Variants in AMD1 observed in about 807,000 individuals in gnomAD.
The protein encoded by AMD1 is S-adenosylmethionine decarboxylase proenzyme.
Under a neutral mutation model 40.2 loss-of-function variants are expected in AMD1, and 11 were observed. The ratio of observed to expected loss-of-function variants is 0.27; its 90% CI spans 0.17 to 0.45. The LOEUF is 0.45. AMD1 is among the 20% of genes least tolerant of loss of function. AMD1 has a pLI of 1.00. For missense variants in AMD1, 257 were observed against 410.2 expected, an observed-to-expected ratio of 0.63 and a Z score of 3.23; for synonymous variants, 121 against 130.8, an observed-to-expected ratio of 0.93 and a Z score of 0.51.
At chr6:110,876,782 T>G (rs1320989057) in intron 1 of AMD1, among the ~76,000 whole-genome samples, 1 of 147,732 alleles carries the variant, frequency 6.8e-6, no homozygotes, top group Non-Finnish European at 1.5e-5. Context: ...GTAAAACGAT[T>G]GTGATCAGGA....
intron 4 of AMD1, 196 bp from the exon 5 acceptor site, chr6:110,891,965 T>G: frequency 1.5e-6 from 1 of 645,312 alleles, no homozygotes; most frequent in Non-Finnish European, 2.7e-6. Context: ...CTCGAACTCT[T>G]GACCTCAAGC....
the AMD1 span, among the ~76,000 whole-genome samples, chr6:110,816,184 G>C: frequency 6.6e-6 from 1 of 152,220 alleles, no homozygotes; most frequent in Non-Finnish European, 1.5e-5. Flanking sequence ...GCTGTAGTCA[G>C]CTTTCTCTTA....
chr6:110,878,590 T>C (rs1003809955), intron 1 of AMD1, among the ~76,000 whole-genome samples: 26 of 152,350 alleles, frequency 1.7e-4, no homozygotes, highest in African/African-American at 6.3e-4. Context: ...TGCAGTTTTC[T>C]CTGATTTTTC....
the AMD1 span, among the ~76,000 whole-genome samples, chr6:110,828,119 A>G: frequency 2.0e-5 from 3 of 152,134 alleles, no homozygotes; most frequent in African/African-American, 4.8e-5. Context: ...TTTGAAGTGA[A>G]CTATGGGATG....
Position 110,889,728 on chromosome 6 carries a change from G to A in AMD1, c.325-526G>A, listed in dbSNP as rs200625930. On this transcript the variant is annotated intron_variant, in intron 3 of 8. Coordinates refer to ENST00000368885, the MANE Select transcript of AMD1 (RefSeq NM_001634.6). ...CTCCTAAAGTGCTGGGATTGCAGGC[G>A]TGAGCCACTGCACCCGGCCTGAATT... The A allele has an allele frequency of 3.3e-4, 51 of 152,772 alleles. No homozygotes were observed. In the East Asian group the frequency reaches 9.4e-3, roughly 28 times the overall value. The allele number at this position is 152,772 out of a possible 1,614,324, so 9.5% of individuals were successfully genotyped here. A position where few individuals can be genotyped will look rare whatever the true frequency, so the allele number is the denominator to read the frequency against.
chr6:110,828,448 G>C, the AMD1 span, among the ~76,000 whole-genome samples: 4 of 151,424 alleles, frequency 2.6e-5, no homozygotes, highest in African/African-American at 9.7e-5. Flanking sequence ...AAAAAAGAAA[G>C]AAAGAAAAGA....
At chr6:110,828,290 G>A in the AMD1 span, among the ~76,000 whole-genome samples, 2 of 152,086 alleles carry the variant, frequency 1.3e-5, no homozygotes. Context: ...AATTAGCCGG[G>A]TATGGGTGGC....
chr6:110,859,274 T>TGTGG, the AMD1 span: 1 of 352,996 alleles, frequency 2.8e-6, no homozygotes, highest in Non-Finnish European at 5.4e-6. Flanking sequence ...TGAGTGGCGG[T>TGTGG]GTGGGATCAG....
At chr6:110,869,715 T>C in the AMD1 span, among the ~76,000 whole-genome samples, 4 of 151,296 alleles carry the variant, frequency 2.6e-5, no homozygotes, top group African/African-American at 9.7e-5. Flanking sequence ...CTCCTTTTTG[T>C]TCAGGCTGGT....
the AMD1 span, chr6:110,815,176 C>A: frequency 6.4e-7 from 1 of 1,554,654 alleles, no homozygotes; most frequent in Non-Finnish European, 8.7e-7. Flanking sequence ...GCGGGGGCCG[C>A]CGCCGCTCAG....
At position 110,878,458 on chromosome 6, in the gene AMD1, CAAAG is replaced by C. The variant is rs1018454109; in HGVS notation, c.110+3247_110+3250del. On this transcript the variant is annotated intron_variant, in intron 1 of 8. Transcript: ENST00000368885. ...AATTATGTAATACTGAGAAATTTAA[CAAAG>C]AAAAATCTTTTATGATATAGCTTGG... Among the ~76,000 whole-genome samples, 9 of 152,058 alleles carry C rather than the reference CAAAG, an allele frequency of 5.9e-5. No individual in the cohort carries two copies. In the South Asian group the frequency reaches 6.2e-4, roughly 10 times the overall value.
chr6:110,870,622 TCAAAACAAAAACAATAA>T (rs1784898371), upstream of AMD1, among the ~76,000 whole-genome samples: 1 of 152,138 alleles, frequency 6.6e-6, no homozygotes, highest in South Asian at 2.1e-4. Flanking sequence ...AGACCCTGCC[TCAAAACAAAAACAATAA>T]CAAAACAAAA....
chr6:110,875,861 T>C (rs958273430), intron 1 of AMD1, among the ~76,000 whole-genome samples: 1 of 151,948 alleles, frequency 6.6e-6, no homozygotes, highest in Non-Finnish European at 1.5e-5. Flanking sequence ...ACCGCTCCCC[T>C]AACATGCTCT....
chr6:110,875,455 A>G, intron 1 of AMD1: 1 of 450,664 alleles, frequency 2.2e-6, no homozygotes. Flanking sequence ...GGGGGAGGGG[A>G]GGAGGCCGGC....
At chr6:110,821,936 C>G in the AMD1 span, among the ~76,000 whole-genome samples, 1 of 151,948 alleles carries the variant, frequency 6.6e-6, no homozygotes, top group East Asian at 1.9e-4. Flanking sequence ...AAACCAAACC[C>G]GAAGCTAGCA....
In AMD1 at chr6:110,894,617, A is replaced by T. The variant is rs1312837713; in HGVS notation, c.*1001A>T. The T allele has an allele frequency of 6.6e-6, 1 of 152,246 alleles. No individual in the cohort carries two copies. The highest frequency in any genetic ancestry group is 6.5e-5 in the Admixed American group (1 of 15,280). 9.4% of individuals were successfully genotyped at this position (152,246 alleles called of 1,614,324 possible). A position where few individuals can be genotyped will look rare whatever the true frequency, so the allele number is the denominator to read the frequency against. ...AATCATTTTTATTTAGTTAATTACC[A>T]GAGAGATTTAGCATAATTTTGTTCT... is the stretch of plus-strand genomic sequence containing the variant. On this transcript the variant is annotated 3_prime_UTR_variant, in exon 9 of 9. Transcript: ENST00000368885.
the AMD1 span, among the ~76,000 whole-genome samples, chr6:110,859,895 T>C: frequency 6.6e-6 from 1 of 152,182 alleles, no homozygotes; most frequent in African/African-American, 2.4e-5. Flanking sequence ...AGTGGTGCGA[T>C]CTTGGCTCAC....
At chr6:110,859,071 A>AG in the AMD1 span, 1 of 1,274,320 alleles carries the variant, frequency 7.8e-7, no homozygotes, top group Non-Finnish European at 1.1e-6. Flanking sequence ...AGTGGCCGAC[A>AG]GGGCTCCCTC....
chr6:110,836,255 C>G, the AMD1 span, among the ~76,000 whole-genome samples: 1 of 151,982 alleles, frequency 6.6e-6, no homozygotes, highest in African/African-American at 2.4e-5. Flanking sequence ...AAAATCAATG[C>G]TCATCTTTGG....
Sources: gnomAD v4.1 joint callset for allele counts (sites outside exome capture counted in the v4.1 genomes callset) on GRCh38, gnomAD v4.1.1 for gene constraint, MANE v1.5 for transcripts, NCBI Gene and HGNC (gene_info 2026-07-23, HGNC 2026-07-21) for gene names.